The following VPS13C variants were observed in gnomAD, a reference collection of about 807,000 sequenced individuals.
VPS13C encodes intermembrane lipid transfer protein VPS13C.
Under a neutral mutation model 456.8 loss-of-function variants are expected in VPS13C, and 358 were observed. The ratio of observed to expected loss-of-function variants is 0.78; its 90% CI spans 0.72 to 0.86. The LOEUF (loss-of-function observed/expected upper bound fraction) is 0.86, where lower values mean the gene tolerates loss of function less well. Among genes scored for constraint, VPS13C ranks in the 40% least tolerant of loss-of-function variants. The probability of loss-of-function intolerance (pLI) is 0.00; values close to 1 mark genes in which losing one functional copy is unlikely to be tolerated. For synonymous variants in VPS13C, 1,578 were observed against 1,486.7 expected, an observed-to-expected ratio of 1.06 and a Z score of -1.41; for missense variants, 4,818 against 4,385.4, an observed-to-expected ratio of 1.10 and a Z score of -2.79.
Position 61,917,655 on chromosome 15 carries a change from T to G in VPS13C, c.7761-20A>C, listed in dbSNP as rs1252031433. On this transcript the variant is annotated intron_variant, in intron 59 of 84. Transcript: ENST00000644861. The stretch of plus-strand genomic sequence containing the variant: ...TGACATCTGCAGAAAGAGGAAACAG[T>G]GACAATAAAGTTTTGATCCACAACT... 3.7e-6 allele frequency: 6 copies of G among 1,600,344 alleles called. No individual in the cohort carries two copies. In the Admixed American group the frequency reaches 6.8e-5, roughly 18 times the overall value.
intron 66 of VPS13C, among the ~76,000 whole-genome samples, chr15:61,901,917 A>G (rs1307918198): frequency 3.9e-5 from 6 of 152,024 alleles, no homozygotes; most frequent in African/African-American, 9.7e-5. Flanking sequence ...ATACACCATG[A>G]AATACTATGC....
chr15:61,871,160 A>C (rs147502606), intron 79 of VPS13C, among the ~76,000 whole-genome samples: 100 of 152,250 alleles, frequency 6.6e-4, no homozygotes, highest in Admixed American at 1.7e-3. Context: ...TATCTTTTCT[A>C]GCAAAGTTTT....
chr15:61,872,548 CA>C (rs567341637), intron 78 of VPS13C, among the ~76,000 whole-genome samples: 223 of 152,108 alleles, frequency 1.5e-3, no homozygotes, highest in Admixed American at 2.9e-3. Flanking sequence ...AAATTACTAT[CA>C]AAAAACACAG....
Position 61,882,579 on chromosome 15 carries a change from G to T in VPS13C, c.9624+17C>A, listed in dbSNP as rs1895940624. The T allele has an allele frequency of 6.7e-7, 1 of 1,498,374 alleles. No individual in the cohort carries two copies. Among genetic ancestry groups the T allele is most frequent in the South Asian group, 1.5e-5 (1 of 68,946 alleles). The allele number at this position is 1,498,374 out of a possible 1,614,324, so 92.8% of individuals were successfully genotyped here. ...CCAAAGTGATGATAAATACTTATTT[G>T]AGAATGACAATGTTACCTGAAGCCA... is the stretch of plus-strand genomic sequence containing the variant. On this transcript the variant is annotated intron_variant, in intron 69 of 84. Coordinates refer to ENST00000644861, the MANE Select transcript of VPS13C (RefSeq NM_020821.3).
At chr15:61,922,913 G>A in intron 53 of VPS13C, 151 bp from the exon 54 acceptor site, 2 of 686,780 alleles carry the variant, frequency 2.9e-6, no homozygotes, top group Non-Finnish European at 4.1e-6. Context: ...TTTAAATTTT[G>A]AATAAATTCG....
chr15:61,889,653 A>G (rs923461188), intron 67 of VPS13C, among the ~76,000 whole-genome samples: 2 of 152,212 alleles, frequency 1.3e-5, no homozygotes, highest in African/African-American at 4.8e-5. Context: ...AGAAAATTCT[A>G]AATGGCCACC....
chr15:62,013,015 C>G (rs781372352), intron 11 of VPS13C, 24 bp downstream of exon 11: 2 of 1,587,090 alleles, frequency 1.3e-6, no homozygotes, highest in Non-Finnish European at 1.7e-6. Context: ...GAAGTTAGCT[C>G]TTCCAAGTAT....
chr15:61,886,498 A>C (rs531191008), intron 67 of VPS13C, among the ~76,000 whole-genome samples: 7 of 152,266 alleles, frequency 4.6e-5, no homozygotes, highest in African/African-American at 1.7e-4. Context: ...TCAGTAAAAT[A>C]AAAAATGCTG....
intron 81 of VPS13C, chr15:61,865,732 G>T: frequency 1.9e-6 from 1 of 517,396 alleles, no homozygotes; most frequent in Non-Finnish European, 2.5e-6. Context: ...ATGTGTTTGT[G>T]TGTATGTATA....
intron 36 of VPS13C, among the ~76,000 whole-genome samples, chr15:61,958,956 C>G (rs984072048): frequency 1.3e-5 from 2 of 151,834 alleles, no homozygotes; most frequent in African/African-American, 4.8e-5. Flanking sequence ...AGTATTGGCT[C>G]CAATGACTTG....
chr15:62,011,716 G>A (rs1391966029), intron 12 of VPS13C, among the ~76,000 whole-genome samples: 1 of 151,922 alleles, frequency 6.6e-6, no homozygotes, highest in Non-Finnish European at 1.5e-5. Flanking sequence ...AGAGTGGCAG[G>A]ATTATGTTAA....
chr15:62,034,612 A>G (rs2047922870), intron 4 of VPS13C, among the ~76,000 whole-genome samples: 1 of 151,808 alleles, frequency 6.6e-6, no homozygotes, highest in African/African-American at 2.4e-5. Flanking sequence ...CTGGAGATTA[A>G]CACATCAGGA....
intron 9 of VPS13C, among the ~76,000 whole-genome samples, chr15:62,015,296 T>C (rs1162049555): frequency 6.6e-6 from 1 of 152,098 alleles, no homozygotes; most frequent in East Asian, 1.9e-4. Context: ...TCCTCCCATG[T>C]TGTAGGTTGC....
At position 62,023,524 on chromosome 15, in the gene VPS13C, TTAAAAAA is replaced by T; in HGVS notation, c.515-11_515-5del. 1 of 1,552,986 alleles carries T rather than the reference TTAAAAAA, an allele frequency of 6.4e-7. No homozygotes were observed. Among genetic ancestry groups the T allele is most frequent in the Non-Finnish European group, 8.7e-7 (1 of 1,154,638 alleles). ...TTTTTGGCTTCTTTTGGCTTATCTATTAAAAAATAGAAAAATACAAGCTCAAGAGTTG... is the reference window on the plus strand; with the variant it reads ...TTTTTGGCTTCTTTTGGCTTATCTATTAGAAAAATACAAGCTCAAGAGTTG... On this transcript the variant is annotated splice_polypyrimidine_tract_variant and splice_region_variant and intron_variant, in intron 7 of 84. Coordinates refer to ENST00000644861, the MANE Select transcript of VPS13C (RefSeq NM_020821.3).
chr15:61,885,527 T>C (rs189635674), intron 67 of VPS13C, among the ~76,000 whole-genome samples: 16 of 152,132 alleles, frequency 1.1e-4, no homozygotes, highest in African/African-American at 3.9e-4. Context: ...AGTAAGAACA[T>C]TCAGCTTCTA....
intron 19 of VPS13C, among the ~76,000 whole-genome samples, chr15:61,984,518 AATT>A (rs1403004544): frequency 6.6e-6 from 1 of 152,212 alleles, no homozygotes. Flanking sequence ...ATAGTTCTTG[AATT>A]ATTAATTTTT....
rs1241752742 is a variant in VPS13C at position 62,007,335 on chromosome 15, G to A, written c.1263C>T (p.Val421=). ...AYKNKLTQSK[V]SEEIQKEIQD... ...GAATTTCTTTCTGTATTTCTTCTGA[G>A]ACTTTAGACTGTGTTAACTTGTTTT... Residue 421 remains valine, a synonymous_variant, in exon 15 of 85, where the codon GTC becomes GTT. Transcript: ENST00000644861. 9 of 1,609,210 alleles carry A rather than the reference G, an allele frequency of 5.6e-6. No individual in the cohort carries two copies. Among genetic ancestry groups the A allele is most frequent in the Non-Finnish European group, 7.6e-6 (9 of 1,178,426 alleles).
intron 15 of VPS13C, among the ~76,000 whole-genome samples, chr15:62,006,078 GT>G (rs199908334): frequency 7.1e-6 from 1 of 140,954 alleles, no homozygotes; most frequent in African/African-American, 2.6e-5. Context: ...TTTTGTTTTT[GT>G]TTTTTTTTAA....
intron 55 of VPS13C, among the ~76,000 whole-genome samples, chr15:61,921,248 T>C (rs982128286): frequency 3.9e-5 from 6 of 152,108 alleles, no homozygotes; most frequent in African/African-American, 7.2e-5. Context: ...AAGTGACTCA[T>C]CTTTAACAAA....
Sources: gnomAD v4.1 joint callset for allele counts (sites outside exome capture counted in the v4.1 genomes callset) on GRCh38, gnomAD v4.1.1 for gene constraint, MANE v1.5 for transcripts, NCBI Gene and HGNC (gene_info 2026-07-23, HGNC 2026-07-21) for gene names.